SLC44A5: variants seen among roughly 807,000 people sequenced by gnomAD.
SLC44A5 encodes the protein solute carrier family 44 member 5.
In SLC44A5, 57 loss-of-function variants were observed where a neutral mutation model predicts 101.8. That is an observed-to-expected ratio of 0.56 (90% CI 0.45 to 0.70). SLC44A5 has a LOEUF of 0.70. SLC44A5 is among the 30% of genes least tolerant of loss of function. The pLI, the probability that SLC44A5 is intolerant of heterozygous loss-of-function variation, is 0.00. For missense variants in SLC44A5, 737 were observed against 853.1 expected, an observed-to-expected ratio of 0.86 and a Z score of 1.70; for synonymous variants, 281 against 290.9, an observed-to-expected ratio of 0.97 and a Z score of 0.35.
rs1345130829 is a variant in SLC44A5, at chr1:75,380,650, G to A, written c.52+15933C>T. Among the ~76,000 whole-genome samples the A allele has an allele frequency of 2.4e-5, 2 of 82,450 alleles. 1 individual carries two copies. The highest frequency in any genetic ancestry group is 1.6e-4 in the African/African-American group (2 of 12,618). The allele number at this position is 82,450 out of a possible 152,430, so 54.1% of individuals were successfully genotyped here. ...GGAAATAGGTAAGGTGATAACGTGG[G>A]GGAGAGGTTTTGCTTGTGTTTCACC... On this transcript the variant is annotated intron_variant, in intron 3 of 23. Coordinates refer to ENST00000370859, the MANE Select transcript of SLC44A5 (RefSeq NM_001130058.2).
chr1:75,606,353 A>G (rs977748250), intron 1 of SLC44A5, among the ~76,000 whole-genome samples: 5 of 152,034 alleles, frequency 3.3e-5, no homozygotes, highest in African/African-American at 1.2e-4. Flanking sequence ...GCAACATAAG[A>G]CCATTCTACA....
chr1:75,258,547 C>T (rs1224863122), intron 6 of SLC44A5, among the ~76,000 whole-genome samples: 1 of 152,252 alleles, frequency 6.6e-6, no homozygotes, highest in Middle Eastern at 3.4e-3. Flanking sequence ...ACAGATAAAA[C>T]CCCCAACTCC....
rs758746039 is a variant in SLC44A5 at position 75,254,928 on chromosome 1, T to C, written c.261-3634A>G. Among the ~76,000 whole-genome samples the C allele has an allele frequency of 3.3e-5, 5 of 152,118 alleles. No individual in the cohort carries two copies. In the East Asian group the frequency reaches 5.8e-4, roughly 18 times the overall value. Reference sequence around the variant, plus strand: ...AAAATTGCAAAAAAAAATCTCATAATGTTTTAAGAAAGTTTATGATTTTGT... The same window carrying C: ...AAAATTGCAAAAAAAAATCTCATAACGTTTTAAGAAAGTTTATGATTTTGT... On this transcript the variant is annotated intron_variant, in intron 6 of 23. Coordinates refer to ENST00000370859, the MANE Select transcript of SLC44A5 (RefSeq NM_001130058.2).
the SLC44A5 span, among the ~76,000 whole-genome samples, chr1:75,640,178 A>ATG: frequency 6.6e-6 from 1 of 152,056 alleles, no homozygotes. Flanking sequence ...AGCCTAACTC[A>ATG]TGTGTTTGTA....
intron 3 of SLC44A5, among the ~76,000 whole-genome samples, chr1:75,364,067 C>A (rs1015612340): frequency 2.6e-5 from 4 of 151,952 alleles, no homozygotes; most frequent in Non-Finnish European, 5.9e-5. Context: ...TGTGGCATAT[C>A]TTTTGTATTT....
chr1:75,411,953 C>A (rs927193424), intron 2 of SLC44A5, among the ~76,000 whole-genome samples: 6 of 152,182 alleles, frequency 3.9e-5, no homozygotes, highest in African/African-American at 1.4e-4. Flanking sequence ...AATGACAATT[C>A]GCTATGATTT....
chr1:75,399,509 C>A (rs977486803), intron 2 of SLC44A5, among the ~76,000 whole-genome samples: 13 of 152,074 alleles, frequency 8.5e-5, no homozygotes, highest in Non-Finnish European at 1.5e-5. Context: ...ACATAGCTAC[C>A]AGATGCAAGG....
At chr1:75,575,090 C>G (rs999069210) in intron 1 of SLC44A5, among the ~76,000 whole-genome samples, 5 of 152,004 alleles carry the variant, frequency 3.3e-5, no homozygotes, top group Admixed American at 2.6e-4. Flanking sequence ...AGCAGAAAAC[C>G]CAAAAATCAT....
the SLC44A5 span, among the ~76,000 whole-genome samples, chr1:75,625,574 G>A: frequency 6.6e-6 from 1 of 152,122 alleles, no homozygotes; most frequent in Non-Finnish European, 1.5e-5. Flanking sequence ...AATTCTGGTT[G>A]CAACTTGTCA....
At chr1:75,261,183 G>A (rs1650469597) in intron 6 of SLC44A5, among the ~76,000 whole-genome samples, 2 of 151,960 alleles carry the variant, frequency 1.3e-5, no homozygotes, top group African/African-American at 4.8e-5. Context: ...AGAGCAGAAC[G>A]GAAGGGCACA....
chr1:75,307,806 T>G (rs1286063542), intron 4 of SLC44A5, among the ~76,000 whole-genome samples: 1 of 152,206 alleles, frequency 6.6e-6, no homozygotes, highest in East Asian at 1.9e-4. Context: ...TCTTTGTGTA[T>G]GTGAGAGCTG....
chr1:75,706,566 T>A, the SLC44A5 span, among the ~76,000 whole-genome samples: 1 of 152,178 alleles, frequency 6.6e-6, no homozygotes, highest in African/African-American at 2.4e-5. Flanking sequence ...ATTTTTTCAA[T>A]ATATCTGTTA....
intron 2 of SLC44A5, among the ~76,000 whole-genome samples, chr1:75,420,247 A>G (rs1469696420): frequency 2.0e-5 from 3 of 152,122 alleles, no homozygotes; most frequent in Non-Finnish European, 4.4e-5. Context: ...TTTATAAGCT[A>G]CCCAGTCTAT....
At chr1:75,698,557 A>C in the SLC44A5 span, among the ~76,000 whole-genome samples, 1 of 152,226 alleles carries the variant, frequency 6.6e-6, no homozygotes, top group African/African-American at 2.4e-5. Flanking sequence ...TGCGGAAAAA[A>C]CAGAGCAGAA....
chr1:75,613,750 T>C (rs2102192368), upstream of SLC44A5, among the ~76,000 whole-genome samples: 1 of 152,370 alleles, frequency 6.6e-6, no homozygotes, highest in East Asian at 1.9e-4. Flanking sequence ...TTAACTGCTA[T>C]TCTTCAATTA....
chr1:75,462,090 C>G (rs940082902), intron 2 of SLC44A5, among the ~76,000 whole-genome samples: 4 of 152,222 alleles, frequency 2.6e-5, no homozygotes, highest in African/African-American at 9.6e-5. Flanking sequence ...AGACCCAGTG[C>G]TGTGCTGGCT....
chr1:75,493,626 T>C (rs894035424), intron 2 of SLC44A5, among the ~76,000 whole-genome samples: 5 of 151,970 alleles, frequency 3.3e-5, no homozygotes, highest in Non-Finnish European at 7.4e-5. Context: ...GGGAAAAAAA[T>C]AGCTTTTAAT....
chr1:75,371,049 G>T (rs1448405386), intron 3 of SLC44A5, among the ~76,000 whole-genome samples: 23 of 152,112 alleles, frequency 1.5e-4, no homozygotes, highest in Non-Finnish European at 2.9e-5. Context: ...CAGTTTTCCT[G>T]TTGGGTTTGG....
At chr1:75,385,741 C>G (rs568328283) in intron 3 of SLC44A5, among the ~76,000 whole-genome samples, 1 of 152,062 alleles carries the variant, frequency 6.6e-6, no homozygotes, top group East Asian at 1.9e-4. Context: ...CAAAGCCGGG[C>G]AGAGACACCA....
Sources: gnomAD v4.1 joint callset for allele counts (sites outside exome capture counted in the v4.1 genomes callset) on GRCh38, gnomAD v4.1.1 for gene constraint, MANE v1.5 for transcripts, NCBI Gene and HGNC (gene_info 2026-07-23, HGNC 2026-07-21) for gene names.